Variants in TMEM269 observed in about 807,000 individuals in gnomAD.
TMEM269 encodes the protein transmembrane protein 269.
TMEM269 carries 12 observed loss-of-function variants against 15.8 expected under a neutral mutation model. The observed-to-expected ratio is 0.76, with a 90% CI of 0.49 to 1.23. The LOEUF is 1.23. Among genes scored for constraint, TMEM269 ranks in the 50% most tolerant of loss-of-function variants. TMEM269 has a pLI of 0.00. For synonymous variants in TMEM269, 93 were observed against 99.3 expected (o/e 0.94, Z 0.38); for missense variants, 211 against 245.4 (o/e 0.86, Z 0.94).
Position 42,792,798 on chromosome 1 carries a change from A to G in TMEM269, c.42-7A>G, listed in dbSNP as rs763550195. On this transcript the variant is annotated splice_region_variant and splice_polypyrimidine_tract_variant and intron_variant, in intron 2 of 5. Coordinates refer to ENST00000637012, the MANE Select transcript of TMEM269 (RefSeq NM_001354602.2). ...TCCCTGTTTGGGCTTGCTGGCCTGC[A>G]CTTTAGGAAATGCCACTATGCCTCC... 7 of 1,548,198 alleles carry G rather than the reference A, an allele frequency of 4.5e-6. No homozygotes were observed. The highest frequency in any genetic ancestry group is 6.1e-6 in the Non-Finnish European group (7 of 1,144,992).
At chr1:42,786,632 T>G (rs540506061) in intron 1 of TMEM269, among the ~76,000 whole-genome samples, 55 of 152,288 alleles carry the variant, frequency 3.6e-4, no homozygotes, top group Middle Eastern at 3.4e-3. Flanking sequence ...CCCTCGCCCC[T>G]CCTGGGAGCC....
chr1:42,786,092 C>T (rs758275096), intron 1 of TMEM269, among the ~76,000 whole-genome samples: 2 of 152,102 alleles, frequency 1.3e-5, no homozygotes, highest in Non-Finnish European at 2.9e-5. Flanking sequence ...GCTGGGTATG[C>T]GGAAGGGGCT....
chr1:42,786,651 C>G (rs1410991168), intron 1 of TMEM269, among the ~76,000 whole-genome samples: 1 of 152,202 alleles, frequency 6.6e-6, no homozygotes, highest in Non-Finnish European at 1.5e-5. Flanking sequence ...CCTTCTCACC[C>G]CGTGGCAGGC....
chr1:42,790,879 G>A (rs1653673251), intron 2 of TMEM269, among the ~76,000 whole-genome samples: 1 of 152,200 alleles, frequency 6.6e-6, no homozygotes, highest in South Asian at 2.1e-4. Flanking sequence ...TTTGGAGACA[G>A]CTGAGGTCTA....
intron 2 of TMEM269, 42 bp downstream of exon 2, chr1:42,789,976 C>A: frequency 7.1e-7 from 1 of 1,406,876 alleles, no homozygotes; most frequent in Non-Finnish European, 9.8e-7. Flanking sequence ...AGAGCTGGAG[C>A]CAATGGCATG....
rs1653863815 is a variant in TMEM269, at chr1:42,800,127, A to G, written c.*1902A>G. 3.9e-5 allele frequency: 6 copies of G among 152,244 alleles called. No homozygotes were observed. The allele number at this position is 152,244 out of a possible 1,614,324, so 9.4% of individuals were successfully genotyped here. On this transcript the variant is annotated 3_prime_UTR_variant, in exon 6 of 6. Transcript: ENST00000637012. The stretch of plus-strand genomic sequence containing the variant: ...CAGACCCCCAGGAGGACAGCTTTGA[A>G]AAGTAAAATGCCCATTTGGATGTGT...
chr1:42,792,916 C>T lies in TMEM269; in HGVS notation c.139+14C>T. On this transcript the variant is annotated intron_variant, in intron 3 of 5. Transcript: ENST00000637012. ...GCTCCAAATTGGGTGAGTTCAGGCC[C>T]CAGGCCCCTAATCCTTGCCCCCAGT... 6.5e-7 allele frequency: 1 copy of T among 1,543,512 alleles called. No homozygotes were observed. The highest frequency in any genetic ancestry group is 8.8e-7 in the Non-Finnish European group (1 of 1,140,874).
In TMEM269 at chr1:42,799,819, A is replaced by C. The variant is rs1653858516; in HGVS notation, c.*1594A>C. ...AAAGCATTTTAGGAACTCCAATCTG[A>C]AAATGGTCTTCACATAAATTCTTAA... On this transcript the variant is annotated 3_prime_UTR_variant, in exon 6 of 6. Coordinates refer to ENST00000637012, the MANE Select transcript of TMEM269 (RefSeq NM_001354602.2). 6.6e-6 allele frequency: 1 copy of C among 152,228 alleles called. No homozygotes were observed. 9.4% of individuals were successfully genotyped at this position (152,228 alleles called of 1,614,324 possible).
At chr1:42,790,107 T>C (rs1352584246) in intron 2 of TMEM269, among the ~76,000 whole-genome samples, 173 bp downstream of exon 2, 1 of 152,194 alleles carries the variant, frequency 6.6e-6, no homozygotes, top group African/African-American at 2.4e-5. Flanking sequence ...ACGGTACCAG[T>C]TCATTCCAGC....
In TMEM269 at chr1:42,797,914, C is replaced by G. The variant is rs1653815425; in HGVS notation, c.485-184C>G. On this transcript the variant is annotated intron_variant, in intron 5 of 5. Transcript: ENST00000637012. The surrounding 1 kb of genome is among the most constrained non-coding windows in gnomAD (Gnocchi z 4.9). ...TGAGACTGCATTGGGCTATACTTCT[C>G]TAGTTACTTACCTATCTCTATTAAA... The G allele has an allele frequency of 1.4e-6, 1 of 715,010 alleles. No individual in the cohort carries two copies. Among genetic ancestry groups the G allele is most frequent in the African/African-American group, 1.8e-5 (1 of 56,994 alleles). The allele number at this position is 715,010 out of a possible 1,614,324, so 44.3% of individuals were successfully genotyped here.
intron 2 of TMEM269, among the ~76,000 whole-genome samples, chr1:42,792,174 A>G (rs1653698166): frequency 6.6e-6 from 1 of 152,224 alleles, no homozygotes; most frequent in Non-Finnish European, 1.5e-5. Flanking sequence ...CCAATATCAG[A>G]AATGAAACAA....
intron 1 of TMEM269, among the ~76,000 whole-genome samples, chr1:42,786,039 TTTA>T (rs1426371823): frequency 6.6e-6 from 1 of 152,162 alleles, no homozygotes; most frequent in African/African-American, 2.4e-5. Flanking sequence ...TAAACCGCAT[TTTA>T]AAAAATGAGT....
rs41269525 is a variant in TMEM269, at chr1:42,794,362, G to T, written c.284-51G>T. On this transcript the variant is annotated intron_variant, in intron 4 of 5. Coordinates refer to ENST00000637012, the MANE Select transcript of TMEM269 (RefSeq NM_001354602.2). ...AGAGAGAGGGGCTTGCTTCATTTTG[G>T]TATCTTTAGAGCAGAGGGAAGCAGC... 6.9e-3 allele frequency: 9,606 copies of T among 1,400,812 alleles called. 51 individuals carry two copies. Among genetic ancestry groups the T allele is most frequent in the Middle Eastern group, 0.016 (81 of 5,104 alleles). The allele number at this position is 1,400,812 out of a possible 1,614,324, so 86.8% of individuals were successfully genotyped here.
At position 42,789,220 on chromosome 1, in the gene TMEM269, G is replaced by A. The variant is rs1215078894; in HGVS notation, c.-98-576G>A. On this transcript the variant is annotated intron_variant, in intron 1 of 5. Transcript: ENST00000637012. Reference sequence around the variant, plus strand: ...TTACAGGCATGAGCCACCGTGTCCGGCTACACATTCAGTTTTAATCTGCCG... The same window carrying A: ...TTACAGGCATGAGCCACCGTGTCCGACTACACATTCAGTTTTAATCTGCCG... 1.4e-5 allele frequency: 8 copies of A among 572,342 alleles called. No individual in the cohort carries two copies. The East Asian group carries it at 2.3e-4, about 16-fold the overall frequency. The allele number at this position is 572,342 out of a possible 1,614,324, so 35.5% of individuals were successfully genotyped here. A position where few individuals can be genotyped will look rare whatever the true frequency, so the allele number is the denominator to read the frequency against.
chr1:42,794,333 C>T (rs1653753385), intron 4 of TMEM269, 80 bp from the exon 5 acceptor site: 1 of 1,084,410 alleles, frequency 9.2e-7, no homozygotes. Context: ...AGGGGAATAC[C>T]CAAAGAGAGA....
At chr1:42,787,606 C>CA (rs56184198) in intron 1 of TMEM269, among the ~76,000 whole-genome samples, 719 of 57,486 alleles carry the variant, frequency 0.013, 58 homozygotes, top group African/African-American at 0.023. Context: ...GACTCCGTCT[C>CA]AAAAAAAAAA....
At chr1:42,786,627 G>A (rs1000418913) in intron 1 of TMEM269, among the ~76,000 whole-genome samples, 3 of 152,156 alleles carry the variant, frequency 2.0e-5, no homozygotes, top group Non-Finnish European at 2.9e-5. Context: ...CTCAGCCCTC[G>A]CCCCTCCTGG....
intron 5 of TMEM269, chr1:42,796,591 A>G (rs1291407794): frequency 1.3e-5 from 2 of 150,688 alleles, no homozygotes; most frequent in Admixed American, 6.6e-5. Flanking sequence ...TACATGGTAG[A>G]GAGGGGTCTC....
At position 42,793,874 on chromosome 1, in the gene TMEM269, G is replaced by A. The variant is rs926208713; in HGVS notation, c.283+130G>A. ...AGCTCCTCTTCCTTCCTCCTTGCGT[G>A]CCCCATGCCCCATGCCCACTGAAGG... On this transcript the variant is annotated intron_variant, in intron 4 of 5. Transcript: ENST00000637012. The A allele has an allele frequency of 6.7e-6, 7 of 1,039,596 alleles. No homozygotes were observed. The Admixed American group carries it at 1.4e-4, about 21-fold the overall frequency. 64.4% of individuals were successfully genotyped at this position (1,039,596 alleles called of 1,614,324 possible).
Sources: allele counts gnomAD v4.1 joint callset (sites outside exome capture counted in the v4.1 genomes callset), GRCh38; gene constraint gnomAD v4.1.1; non-coding constraint Gnocchi (gnomAD v3.1); transcripts MANE v1.5; gene names NCBI Gene and HGNC (gene_info 2026-07-23, HGNC 2026-07-21).